The following USP47 variants were observed in gnomAD, a reference collection of about 807,000 sequenced individuals.
USP47 encodes the protein ubiquitin specific peptidase 47.
A neutral mutation model predicts 165.1 loss-of-function variants in USP47; 35 were observed. That is an observed-to-expected ratio of 0.21 (90% confidence interval 0.16 to 0.28). The LOEUF is 0.28. Among genes scored for constraint, USP47 ranks in the 10% least tolerant of loss-of-function variants. The pLI, the probability that USP47 is intolerant of heterozygous loss-of-function variation, is 1.00. For synonymous variants in USP47, 531 were observed against 544.5 expected (o/e 0.98, Z 0.35); for missense variants, 1,277 against 1,607.4 (o/e 0.79, Z 3.52).
intron 17 of USP47, among the ~76,000 whole-genome samples, chr11:11,937,930 T>A (rs560494726): frequency 6.6e-6 from 1 of 152,080 alleles, no homozygotes; most frequent in African/African-American, 2.4e-5. Context: ...ATATAAAAGA[T>A]TTAAGTGAGA....
intron 1 of USP47, among the ~76,000 whole-genome samples, chr11:11,875,839 G>A (rs755754025): frequency 2.0e-5 from 3 of 152,214 alleles, no homozygotes; most frequent in Non-Finnish European, 4.4e-5. Context: ...CTCACCTGAA[G>A]TGATCCTCCC....
At chr11:11,861,521 C>G (rs1157125633) in intron 1 of USP47, among the ~76,000 whole-genome samples, 1 of 152,144 alleles carries the variant, frequency 6.6e-6, no homozygotes, top group African/African-American at 2.4e-5. Flanking sequence ...AGTTCTGAAA[C>G]TTTGCATTTT....
Position 11,949,972 on chromosome 11 carries a change from G to A in USP47, c.3432G>A (p.Arg1144=). The change falls in exon 23 of 28, where the codon AGG becomes AGA. Residue 1144 remains arginine, a synonymous_variant. Transcript: ENST00000527733. The part of the protein sequence containing the change: ...QSKEELIPQL[R]EQCGLELSID... The stretch of plus-strand genomic sequence containing the variant: ...AAGAGGAATTAATTCCTCAGCTCAG[G>A]GAGCAATGTGGTTTAGAGCTCAGTA... 1.9e-6 allele frequency: 3 copies of A among 1,612,602 alleles called. No homozygotes were observed. The highest frequency in any genetic ancestry group is 2.5e-6 in the Non-Finnish European group (3 of 1,179,174).
chr11:11,885,771 G>A (rs1022823422), intron 3 of USP47, among the ~76,000 whole-genome samples: 8 of 152,194 alleles, frequency 5.3e-5, no homozygotes, highest in Non-Finnish European at 1.2e-4. Context: ...CACCTCACAA[G>A]CTAAGACCCA....
At chr11:11,843,816 C>T (rs1296713181) in intron 1 of USP47, among the ~76,000 whole-genome samples, 1 of 152,150 alleles carries the variant, frequency 6.6e-6, no homozygotes, top group Non-Finnish European at 1.5e-5. Flanking sequence ...ATAACAGCAA[C>T]GGAAGTTTAA....
chr11:11,928,898 T>C (rs1854449339), intron 11 of USP47, among the ~76,000 whole-genome samples: 1 of 151,642 alleles, frequency 6.6e-6, no homozygotes. Flanking sequence ...AGAAATAATA[T>C]TAATTTATTG....
intron 11 of USP47, among the ~76,000 whole-genome samples, chr11:11,923,494 C>T (rs1457847940): frequency 6.6e-6 from 1 of 152,032 alleles, no homozygotes; most frequent in Non-Finnish European, 1.5e-5. Context: ...TGGATAATCT[C>T]TGGGATAGGA....
chr11:11,899,896 A>T (rs540298793), intron 5 of USP47, among the ~76,000 whole-genome samples: 1 of 152,220 alleles, frequency 6.6e-6, no homozygotes, highest in Admixed American at 6.5e-5. Context: ...TCATTGAACT[A>T]TCCACAGAGT....
chr11:11,857,100 A>G (rs1849091691), intron 1 of USP47, among the ~76,000 whole-genome samples: 1 of 152,056 alleles, frequency 6.6e-6, no homozygotes, highest in Non-Finnish European at 1.5e-5. Flanking sequence ...TAATAAAGAG[A>G]AGCTCTGGAT....
At chr11:11,918,768 T>TA (rs1458183537) in intron 8 of USP47, among the ~76,000 whole-genome samples, 1 of 151,986 alleles carries the variant, frequency 6.6e-6, no homozygotes, top group Non-Finnish European at 1.5e-5. Flanking sequence ...GAATTTGAGT[T>TA]ACATAATTAT....
At position 11,920,509 on chromosome 11, in the gene USP47, T is replaced by C. The variant is rs1853755919; in HGVS notation, c.1218+15T>C. ...TTGAAGATGAGGTAAATATTTGTTA[T>C]TTTAAAGTATTTTTCATTAATCCAC... On this transcript the variant is annotated intron_variant, in intron 10 of 27. Coordinates refer to ENST00000527733, the MANE Select transcript of USP47 (RefSeq NM_001282659.2). 2 of 1,588,266 alleles carry C rather than the reference T, an allele frequency of 1.3e-6. No individual in the cohort carries two copies. Among genetic ancestry groups the C allele is most frequent in the Non-Finnish European group, 1.7e-6 (2 of 1,169,804 alleles).
At chr11:11,946,820 C>G (rs1206691395) in intron 20 of USP47, among the ~76,000 whole-genome samples, 1 of 152,180 alleles carries the variant, frequency 6.6e-6, no homozygotes, top group Non-Finnish European at 1.5e-5. Flanking sequence ...TCACCCTCTT[C>G]ATACTTTCTT....
intron 5 of USP47, 42 bp from the exon 6 acceptor site, chr11:11,902,673 A>C (rs1852305802): frequency 7.7e-7 from 1 of 1,306,018 alleles, no homozygotes; most frequent in Non-Finnish European, 1.0e-6. Context: ...TTAAATAATA[A>C]AATCATTTTA....
chr11:11,888,540 T>G (rs1851312792), intron 3 of USP47, among the ~76,000 whole-genome samples: 1 of 152,090 alleles, frequency 6.6e-6, no homozygotes, highest in African/African-American at 2.4e-5. Flanking sequence ...TTAAAAATTC[T>G]GAAATTGAGG....
intron 27 of USP47, 58 bp downstream of exon 27, chr11:11,955,222 T>G (rs1414793146): frequency 1.3e-6 from 2 of 1,564,280 alleles, no homozygotes; most frequent in Non-Finnish European, 1.7e-6. Context: ...TGCATACATA[T>G]CTTATTTTCC....
At chr11:11,925,207 A>ACG (rs1854146888) in intron 11 of USP47, among the ~76,000 whole-genome samples, 1 of 150,826 alleles carries the variant, frequency 6.6e-6, no homozygotes, top group African/African-American at 2.4e-5. Context: ...TCCCAAGTTC[A>ACG]CGCCATTCTC....
intron 1 of USP47, among the ~76,000 whole-genome samples, chr11:11,866,934 G>A (rs1372574686): frequency 6.6e-6 from 1 of 151,150 alleles, no homozygotes. Flanking sequence ...GTTTCACTCT[G>A]TTGCCCAGGC....
intron 1 of USP47, among the ~76,000 whole-genome samples, chr11:11,876,983 G>A (rs1001236723): frequency 2.0e-5 from 3 of 152,112 alleles, no homozygotes; most frequent in Non-Finnish European, 2.9e-5. Flanking sequence ...TTACCTTTGG[G>A]CATAAGTAGG....
chr11:11,846,884 A>C (rs1848457550), intron 1 of USP47, among the ~76,000 whole-genome samples: 1 of 152,080 alleles, frequency 6.6e-6, no homozygotes, highest in African/African-American at 2.4e-5. Flanking sequence ...TTTTAAAATG[A>C]GGCTTTTTCT....
Sources: allele counts gnomAD v4.1 joint callset (sites outside exome capture counted in the v4.1 genomes callset), GRCh38; gene constraint gnomAD v4.1.1; transcripts MANE v1.5; gene names NCBI Gene and HGNC (gene_info 2026-07-23, HGNC 2026-07-21).